Variants in CAMK4 observed in about 807,000 individuals in gnomAD.
CAMK4 encodes the protein calcium/calmodulin-dependent protein kinase type IV.
In CAMK4, 22 loss-of-function variants were observed where a neutral mutation model predicts 44.9. The ratio of observed to expected loss-of-function variants is 0.49; its 90% CI spans 0.35 to 0.70. CAMK4 has a LOEUF of 0.70. Among genes scored for constraint, CAMK4 ranks in the 30% least tolerant of loss-of-function variants. CAMK4 has a pLI of 0.01. For missense variants in CAMK4, 498 were observed against 586.8 expected, an observed-to-expected ratio of 0.85 and a Z score of 1.56; for synonymous variants, 218 against 215.4, an observed-to-expected ratio of 1.01 and a Z score of -0.11.
intron 1 of CAMK4, among the ~76,000 whole-genome samples, chr5:111,245,827 G>T (rs888823621): frequency 6.6e-6 from 1 of 152,216 alleles, no homozygotes; most frequent in African/African-American, 2.4e-5. Context: ...GGGTGTGTAC[G>T]TCATAATCAT....
At chr5:111,385,591 T>C (rs1241689345) in intron 4 of CAMK4, among the ~76,000 whole-genome samples, 1 of 152,100 alleles carries the variant, frequency 6.6e-6, no homozygotes, top group Non-Finnish European at 1.5e-5. Context: ...TGTTTGTTTT[T>C]GAGACAGAGT....
intron 1 of CAMK4, chr5:111,265,705 T>C (rs1159418218): frequency 6.6e-6 from 1 of 152,138 alleles, no homozygotes; most frequent in Non-Finnish European, 1.5e-5. Context: ...AAACATGAAA[T>C]AAGGCTGTAT....
chr5:111,459,631 T>G (rs560658653), intron 7 of CAMK4, among the ~76,000 whole-genome samples: 61 of 152,012 alleles, frequency 4.0e-4, no homozygotes, highest in African/African-American at 1.4e-3. Context: ...TCTCAAGAGA[T>G]TGTCCCCAGT....
At chr5:111,285,310 C>T (rs1330888005) in intron 1 of CAMK4, among the ~76,000 whole-genome samples, 1 of 152,118 alleles carries the variant, frequency 6.6e-6, no homozygotes, top group Admixed American at 6.5e-5. Flanking sequence ...TATTATGAAT[C>T]CTACGAAATT....
intron 1 of CAMK4, among the ~76,000 whole-genome samples, chr5:111,319,514 T>C (rs1445363440): frequency 6.6e-6 from 1 of 152,166 alleles, no homozygotes; most frequent in Non-Finnish European, 1.5e-5. Flanking sequence ...TGAGCTCCAG[T>C]TATATATTCC....
At chr5:111,387,883 T>C (rs1376569632) in intron 4 of CAMK4, among the ~76,000 whole-genome samples, 1 of 152,184 alleles carries the variant, frequency 6.6e-6, no homozygotes, top group Non-Finnish European at 1.5e-5. Context: ...AATTGCAAGA[T>C]TTCATTTTCC....
chr5:111,376,971 GA>G, intron 4 of CAMK4, 29 bp downstream of exon 4: 1 of 1,463,428 alleles, frequency 6.8e-7, no homozygotes, highest in Non-Finnish European at 9.4e-7. Flanking sequence ...TATAACCACA[GA>G]AAGGTTTGCT....
chr5:111,322,201 AT>A (rs1237456216), intron 1 of CAMK4, among the ~76,000 whole-genome samples: 1 of 152,022 alleles, frequency 6.6e-6, no homozygotes. Context: ...GAATGATGAG[AT>A]TTTTTGAGAC....
At chr5:111,299,280 T>C (rs1045294614) in intron 1 of CAMK4, among the ~76,000 whole-genome samples, 1 of 152,240 alleles carries the variant, frequency 6.6e-6, no homozygotes, top group African/African-American at 2.4e-5. Context: ...TGTGAGCTTG[T>C]GCTTGGCTGG....
chr5:111,270,787 C>T (rs1274342517), intron 1 of CAMK4, among the ~76,000 whole-genome samples: 2 of 152,186 alleles, frequency 1.3e-5, no homozygotes, highest in Non-Finnish European at 2.9e-5. Context: ...GGCACTAGAA[C>T]CTAGCATGTA....
intron 1 of CAMK4, among the ~76,000 whole-genome samples, chr5:111,308,257 AT>A (rs202094398): frequency 0.071 from 10,532 of 148,892 alleles, 733 homozygotes; most frequent in East Asian, 0.22. Flanking sequence ...TAATAAAAAA[AT>A]AAAATAAAAT....
intron 4 of CAMK4, among the ~76,000 whole-genome samples, chr5:111,382,423 T>C (rs1343733836): frequency 1.3e-5 from 2 of 152,176 alleles, no homozygotes; most frequent in African/African-American, 4.8e-5. Context: ...TTTAACAAAC[T>C]TAGAAAAAGT....
intron 1 of CAMK4, among the ~76,000 whole-genome samples, chr5:111,326,372 T>C (rs542860752): frequency 7.2e-5 from 11 of 152,040 alleles, no homozygotes; most frequent in African/African-American, 2.2e-4. Context: ...TTTTCTAAAA[T>C]AATTCAAACT....
chr5:111,347,492 T>C (rs950672457), intron 2 of CAMK4, among the ~76,000 whole-genome samples: 2 of 152,042 alleles, frequency 1.3e-5, no homozygotes, highest in African/African-American at 4.8e-5. Flanking sequence ...GTGGCAGGGC[T>C]AGCTAGATGC....
intron 5 of CAMK4, among the ~76,000 whole-genome samples, chr5:111,409,296 C>T (rs188236210): frequency 6.6e-6 from 1 of 152,356 alleles, no homozygotes; most frequent in Admixed American, 6.5e-5. Flanking sequence ...CCCACAGGCT[C>T]AACACCATGT....
chr5:111,227,890 A>G (rs140394490), intron 1 of CAMK4, among the ~76,000 whole-genome samples: 19 of 152,250 alleles, frequency 1.2e-4, no homozygotes, highest in African/African-American at 3.4e-4. Context: ...CGAATTGGCC[A>G]TGATCCTATT....
rs949752504 is a variant in CAMK4 at position 111,485,721 on chromosome 5, A to G, written c.*1255A>G. On this transcript the variant is annotated 3_prime_UTR_variant, in exon 11 of 11. Transcript: ENST00000282356. ...CCTTAAAAAACAAACAAAAACAAAAATAAAGAAAAATACTGATTTCAAATC... is the reference window on the plus strand; with the variant it reads ...CCTTAAAAAACAAACAAAAACAAAAGTAAAGAAAAATACTGATTTCAAATC... 1 of 152,182 alleles carries G rather than the reference A, an allele frequency of 6.6e-6. No individual in the cohort carries two copies. Among genetic ancestry groups the G allele is most frequent in the Non-Finnish European group, 1.5e-5 (1 of 68,010 alleles). The allele number at this position is 152,182 out of a possible 1,614,324, so 9.4% of individuals were successfully genotyped here.
chr5:111,261,791 C>T (rs1749989489), intron 1 of CAMK4, among the ~76,000 whole-genome samples: 1 of 152,178 alleles, frequency 6.6e-6, no homozygotes, highest in African/African-American at 2.4e-5. Context: ...CTGTTCCTTA[C>T]TGCTTCTCTC....
Position 111,482,841 on chromosome 5 carries a change from C to T in CAMK4, c.885C>T (p.Leu295=), listed in dbSNP as rs148056115. The T allele has an allele frequency of 6.9e-5, 112 of 1,612,602 alleles. No individual in the cohort carries two copies. In the African/African-American group the frequency reaches 1.4e-3, roughly 21 times the overall value. ...AACGGCTGACTACATTTCAAGCTCT[C>T]CAGCATCCGTGGGTCACAGGTAAAG... is the stretch of plus-strand genomic sequence containing the variant. The part of the protein sequence containing the change: ...PKKRLTTFQA[L]QHPWVTGKAA... Residue 295 remains leucine, a synonymous_variant, in exon 10 of 11, where the codon CTC becomes CTT. Transcript: ENST00000282356. This position sits in a 1 kb window ranked among gnomAD's most constrained non-coding sequence, Gnocchi z 4.9.
Sources: gnomAD v4.1 joint callset for allele counts (sites outside exome capture counted in the v4.1 genomes callset) on GRCh38, gnomAD v4.1.1 for gene constraint, Gnocchi (gnomAD v3.1) non-coding constraint, MANE v1.5 for transcripts, NCBI Gene and HGNC (gene_info 2026-07-23, HGNC 2026-07-21) for gene names.